PTPRD: variants seen among roughly 807,000 people sequenced by gnomAD.
PTPRD encodes receptor-type tyrosine-protein phosphatase delta.
A neutral mutation model predicts 214.5 loss-of-function variants in PTPRD; 34 were observed. The ratio of observed to expected loss-of-function variants is 0.16; its 90% CI spans 0.12 to 0.21. PTPRD has a LOEUF of 0.21. Among genes scored for constraint, PTPRD ranks in the 10% least tolerant of loss-of-function variants. The probability of loss-of-function intolerance (pLI) is 1.00; values close to 1 mark genes in which losing one functional copy is unlikely to be tolerated. For synonymous variants in PTPRD, 1,128 were observed against 845.7 expected (o/e 1.33, Z -5.79); for missense variants, 2,545 against 2,398.7 (o/e 1.06, Z -1.27).
chr9:10,027,248 A>C (rs1270503322), intron 4 of PTPRD, among the ~76,000 whole-genome samples: 2 of 152,174 alleles, frequency 1.3e-5, no homozygotes, highest in Non-Finnish European at 2.9e-5. Context: ...CAGTAATTAA[A>C]ATATATGTTT....
chr9:10,149,691 AT>A (rs2154276465), intron 3 of PTPRD, among the ~76,000 whole-genome samples: 1 of 151,826 alleles, frequency 6.6e-6, no homozygotes, highest in South Asian at 2.1e-4. Context: ...ACTGTGGACA[AT>A]TCAAATGAAT....
intron 3 of PTPRD, among the ~76,000 whole-genome samples, chr9:10,053,625 T>C (rs1043216168): frequency 6.6e-6 from 1 of 152,300 alleles, no homozygotes; most frequent in South Asian, 2.1e-4. Flanking sequence ...TTATAGCTCA[T>C]TGAGGTTTTC....
chr9:9,743,070 T>G (rs771868593), intron 6 of PTPRD, among the ~76,000 whole-genome samples: 1 of 152,192 alleles, frequency 6.6e-6, no homozygotes, highest in Non-Finnish European at 1.5e-5. Flanking sequence ...TCAGTTATGC[T>G]TTTTGGGATA....
intron 2 of PTPRD, among the ~76,000 whole-genome samples, chr9:10,573,904 T>G (rs549238911): frequency 6.6e-6 from 1 of 152,078 alleles, no homozygotes; most frequent in Non-Finnish European, 1.5e-5. Context: ...GTAACAAAAC[T>G]GCACATTCTG....
intron 3 of PTPRD, among the ~76,000 whole-genome samples, chr9:10,105,842 T>C (rs966469598): frequency 3.3e-5 from 5 of 151,590 alleles, no homozygotes; most frequent in African/African-American, 7.2e-5. Flanking sequence ...ACCCCTGCAA[T>C]AGGGAAAGGT....
chr9:10,226,302 G>C (rs1428116068), intron 3 of PTPRD, among the ~76,000 whole-genome samples: 3 of 152,082 alleles, frequency 2.0e-5, no homozygotes, highest in African/African-American at 2.4e-5. Context: ...CCAAAACACT[G>C]TGGAGCTCAT....
At chr9:8,678,567 AC>A (rs2097485024) in intron 12 of PTPRD, among the ~76,000 whole-genome samples, 1 of 152,116 alleles carries the variant, frequency 6.6e-6, no homozygotes, top group Non-Finnish European at 1.5e-5. Context: ...AACAATCAAT[AC>A]TTCTCAATAA....
chr9:10,072,813 T>C (rs2098053610), intron 3 of PTPRD, among the ~76,000 whole-genome samples: 1 of 152,150 alleles, frequency 6.6e-6, no homozygotes, highest in Non-Finnish European at 1.5e-5. Context: ...TGAAGTCTTA[T>C]CATACGATCC....
chr9:8,379,078 CA>C (rs1182794456), intron 37 of PTPRD, among the ~76,000 whole-genome samples: 2 of 152,038 alleles, frequency 1.3e-5, no homozygotes, highest in African/African-American at 4.8e-5. Flanking sequence ...TGCTTTTGAA[CA>C]ATGCATTTTT....
At chr9:9,366,997 T>G (rs1238926750) in intron 9 of PTPRD, among the ~76,000 whole-genome samples, 1 of 151,164 alleles carries the variant, frequency 6.6e-6, no homozygotes, top group African/African-American at 2.4e-5. Context: ...GGTAGTAAAA[T>G]GAAACAAATC....
chr9:8,652,087 C>T (rs1246886783), intron 12 of PTPRD, among the ~76,000 whole-genome samples: 3 of 152,156 alleles, frequency 2.0e-5, no homozygotes. Flanking sequence ...TGCCAGCTAA[C>T]TTTTTCCCCT....
At chr9:9,634,158 G>C (rs1404933926) in intron 7 of PTPRD, among the ~76,000 whole-genome samples, 2 of 152,076 alleles carry the variant, frequency 1.3e-5, no homozygotes, top group Non-Finnish European at 2.9e-5. Context: ...ATAAAGGGAT[G>C]ATGCTCCTTA....
chr9:10,010,674 C>T (rs1421242057), intron 4 of PTPRD, among the ~76,000 whole-genome samples: 1 of 151,684 alleles, frequency 6.6e-6, no homozygotes, highest in East Asian at 1.9e-4. Flanking sequence ...CTCTTTCACA[C>T]AAATGCACAT....
chr9:8,343,583 C>A (rs968885442), intron 39 of PTPRD, among the ~76,000 whole-genome samples: 1 of 152,028 alleles, frequency 6.6e-6, no homozygotes, highest in East Asian at 1.9e-4. Context: ...CCCTGACATT[C>A]CCCATTCCTA....
chr9:10,395,371 G>A (rs549011198), intron 2 of PTPRD, among the ~76,000 whole-genome samples: 5 of 151,302 alleles, frequency 3.3e-5, no homozygotes, highest in South Asian at 4.2e-4. Context: ...TTCTCATTGC[G>A]ATAGTTTGCT....
chr9:8,340,637 C>T (rs1332414847), intron 41 of PTPRD, among the ~76,000 whole-genome samples, 168 bp from the exon 42 acceptor site: 1 of 152,050 alleles, frequency 6.6e-6, no homozygotes, highest in Non-Finnish European at 1.5e-5. Flanking sequence ...GCATTTAATA[C>T]ATTTTGGGGA....
chr9:10,265,774 C>T (rs937838448), intron 3 of PTPRD, among the ~76,000 whole-genome samples: 2 of 152,160 alleles, frequency 1.3e-5, no homozygotes, highest in Non-Finnish European at 2.9e-5. Context: ...TTGTTTTAAG[C>T]CAGTAAGGTC....
rs544492233 is a variant in PTPRD, at chr9:9,267,098, A to G, written c.-202-83735T>C. ...TGAATAAATGTTTTAAATGCTAATT[A>G]CCCTGATGGATCACCACGCATTATA... On this transcript the variant is annotated intron_variant, in intron 9 of 45. Coordinates refer to ENST00000381196, the MANE Select transcript of PTPRD (RefSeq NM_002839.4). Among the ~76,000 whole-genome samples, 11 of 151,420 alleles carry G rather than the reference A, an allele frequency of 7.3e-5. No individual in the cohort carries two copies. The East Asian group carries it at 2.2e-3, about 30-fold the overall frequency.
chr9:9,041,208 C>T (rs576122047), intron 10 of PTPRD, among the ~76,000 whole-genome samples: 1 of 152,038 alleles, frequency 6.6e-6, no homozygotes, highest in African/African-American at 2.4e-5. Flanking sequence ...AAAGACTTCC[C>T]TTTTTCTTTA....
Sources: allele counts gnomAD v4.1 joint callset (sites outside exome capture counted in the v4.1 genomes callset), GRCh38; gene constraint gnomAD v4.1.1; transcripts MANE v1.5; gene names NCBI Gene and HGNC (gene_info 2026-07-23, HGNC 2026-07-21).